The following R3HDM2 variants were observed in gnomAD, a reference collection of about 807,000 sequenced individuals.
The protein encoded by R3HDM2 is R3H domain-containing protein 2.
Under a neutral mutation model 124.5 loss-of-function variants are expected in R3HDM2, and 38 were observed. That is an observed-to-expected ratio of 0.31 (90% CI 0.24 to 0.40). R3HDM2 has a LOEUF of 0.40. Among genes scored for constraint, R3HDM2 ranks in the 10% least tolerant of loss-of-function variants. R3HDM2 has a pLI of 1.00. For missense variants in R3HDM2, 869 were observed against 1,236.9 expected, an observed-to-expected ratio of 0.70 and a Z score of 4.46; for synonymous variants, 391 against 448.0, an observed-to-expected ratio of 0.87 and a Z score of 1.61.
intron 14 of R3HDM2, among the ~76,000 whole-genome samples, chr12:57,276,809 C>T (rs949756693): frequency 1.6e-4 from 25 of 151,958 alleles, no homozygotes; most frequent in Non-Finnish European, 2.6e-4. Flanking sequence ...ACCGCTTGAA[C>T]CCAGGAGGTG....
intron 16 of R3HDM2, 82 bp from the exon 17 acceptor site, chr12:57,269,164 A>T (rs75951073): frequency 6.4e-7 from 1 of 1,569,840 alleles, no homozygotes; most frequent in Non-Finnish European, 8.7e-7. Context: ...TCTCCATTCT[A>T]TTTTATCTTT....
chr12:57,265,775 T>C (rs868342136), intron 19 of R3HDM2, among the ~76,000 whole-genome samples: 1 of 150,304 alleles, frequency 6.7e-6, no homozygotes, highest in Non-Finnish European at 1.5e-5. Context: ...CTGTTACTAC[T>C]GGGTGCGTCA....
chr12:57,421,417 T>C, intron 1 of R3HDM2, among the ~76,000 whole-genome samples: 1 of 150,674 alleles, frequency 6.6e-6, no homozygotes, highest in Non-Finnish European at 1.5e-5. Flanking sequence ...CCCAAAGTGC[T>C]GGGATTACAG....
chr12:57,311,241 T>G (rs1265001426), intron 2 of R3HDM2, among the ~76,000 whole-genome samples: 1 of 151,376 alleles, frequency 6.6e-6, no homozygotes, highest in Non-Finnish European at 1.5e-5. Context: ...ATATATATAT[T>G]TTGAGATGGA....
chr12:57,256,217 G>A (rs547086234), intron 22 of R3HDM2, 143 bp from the exon 23 acceptor site: 367 of 940,638 alleles, frequency 3.9e-4, no homozygotes, highest in Non-Finnish European at 5.1e-4. Flanking sequence ...ATGGAGCAGC[G>A]ACTGAGAAAC....
chr12:57,332,523 G>C (rs2058347326), intron 2 of R3HDM2, among the ~76,000 whole-genome samples: 2 of 151,628 alleles, frequency 1.3e-5, no homozygotes, highest in Admixed American at 1.3e-4. Flanking sequence ...AAAACGGTCT[G>C]CTGCTTTCCC....
At chr12:57,363,867 TAA>T (rs776661796) in intron 2 of R3HDM2, among the ~76,000 whole-genome samples, 4 of 143,322 alleles carry the variant, frequency 2.8e-5, no homozygotes, top group Admixed American at 7.0e-5. Flanking sequence ...CTCCATCTCT[TAA>T]AAAAAAAAAA....
intron 2 of R3HDM2, among the ~76,000 whole-genome samples, chr12:57,367,509 C>T (rs557725504): frequency 1.8e-4 from 27 of 152,306 alleles, no homozygotes; most frequent in Non-Finnish European, 3.4e-4. Context: ...CACACAATTC[C>T]AGCTGCCTTG....
intron 1 of R3HDM2, among the ~76,000 whole-genome samples, chr12:57,409,666 AG>A (rs1435800742): frequency 2.0e-5 from 3 of 152,012 alleles, no homozygotes; most frequent in Non-Finnish European, 2.9e-5. Context: ...TACAAGCTTC[AG>A]AGATGACATA....
intron 2 of R3HDM2, among the ~76,000 whole-genome samples, chr12:57,360,005 A>G (rs1417538189): frequency 9.3e-6 from 1 of 107,164 alleles, no homozygotes; most frequent in Non-Finnish European, 2.0e-5. Flanking sequence ...ATAAATAAAT[A>G]AATATATATA....
At position 57,278,443 on chromosome 12, in the gene R3HDM2, G is replaced by A. The variant is rs1165028978; in HGVS notation, c.1344+1915C>T. On this transcript the variant is annotated intron_variant, in intron 14 of 23. Coordinates refer to ENST00000402412, the MANE Select transcript of R3HDM2 (RefSeq NM_001394031.1). ...ATAGGTGGAAGATGCAGGCAGATGG[G>A]AGACTAAGAGGGAGAAAAGGGAGCA... 1.7e-4 allele frequency among the ~76,000 whole-genome samples: 26 copies of A among 152,034 alleles called. 1 individual carries two copies. Among genetic ancestry groups the A allele is most frequent in the Non-Finnish European group, 1.5e-5 (1 of 68,016 alleles).
chr12:57,376,814 G>A (rs1420914931), intron 2 of R3HDM2, among the ~76,000 whole-genome samples: 1 of 151,770 alleles, frequency 6.6e-6, no homozygotes, highest in Non-Finnish European at 1.5e-5. Flanking sequence ...AGCCAGGTGT[G>A]GTGGCAAGTG....
At chr12:57,320,131 G>A (rs1043362321) in intron 2 of R3HDM2, among the ~76,000 whole-genome samples, 5 of 151,344 alleles carry the variant, frequency 3.3e-5, no homozygotes, top group East Asian at 1.9e-4. Flanking sequence ...GTGGTGGTGC[G>A]TGCCTGCTAA....
At chr12:57,268,123 A>T in intron 18 of R3HDM2, 180 bp downstream of exon 18, 1 of 526,510 alleles carries the variant, frequency 1.9e-6, no homozygotes, top group Non-Finnish European at 3.1e-6. Context: ...ATAACCTCTT[A>T]GGCACATGTC....
At chr12:57,288,366 G>T (rs2047844770) in intron 12 of R3HDM2, among the ~76,000 whole-genome samples, 2 of 151,218 alleles carry the variant, frequency 1.3e-5, no homozygotes, top group African/African-American at 4.9e-5. Flanking sequence ...ATACATAAAG[G>T]TGTCCGTATA....
chr12:57,271,461 C>T (rs139966629), intron 14 of R3HDM2, among the ~76,000 whole-genome samples: 6 of 151,930 alleles, frequency 3.9e-5, no homozygotes, highest in South Asian at 4.2e-4. Flanking sequence ...CACACACACA[C>T]GCACACACAA....
intron 6 of R3HDM2, 31 bp downstream of exon 6, chr12:57,299,321 G>C: frequency 6.5e-7 from 1 of 1,532,476 alleles, no homozygotes; most frequent in Non-Finnish European, 8.9e-7. Flanking sequence ...CACTGCCCTA[G>C]AACAGATGAG....
chr12:57,379,161 T>C (rs1303648687), intron 2 of R3HDM2, among the ~76,000 whole-genome samples: 1 of 152,218 alleles, frequency 6.6e-6, no homozygotes, highest in Non-Finnish European at 1.5e-5. Context: ...TGGTGATGGC[T>C]GCATGACATC....
chr12:57,284,596 G>A (rs1361619536), intron 12 of R3HDM2, among the ~76,000 whole-genome samples: 1 of 152,286 alleles, frequency 6.6e-6, no homozygotes, highest in East Asian at 1.9e-4. Context: ...AGAGTATAGT[G>A]AACTAAAGGG....
Sources: gnomAD v4.1 joint callset for allele counts (sites outside exome capture counted in the v4.1 genomes callset) on GRCh38, gnomAD v4.1.1 for gene constraint, MANE v1.5 for transcripts, NCBI Gene and HGNC (gene_info 2026-07-23, HGNC 2026-07-21) for gene names.